PACRG: variants seen among roughly 807,000 people sequenced by gnomAD.
The protein encoded by PACRG is parkin coregulated, also known as parkin coregulated gene protein.
PACRG carries 29 observed loss-of-function variants against 29.7 expected under a neutral mutation model. That is an observed-to-expected ratio of 0.98 (90% confidence interval 0.73 to 1.33). The LOEUF (loss-of-function observed/expected upper bound fraction) is 1.33. Among genes scored for constraint, PACRG ranks in the 40% most tolerant of loss-of-function variants. PACRG has a pLI of 0.00. For synonymous variants in PACRG, 116 were observed against 118.7 expected, an observed-to-expected ratio of 0.98 and a Z score of 0.15; for missense variants, 279 against 316.2, an observed-to-expected ratio of 0.88 and a Z score of 0.89.
chr6:162,739,766 C>T (rs1047461681), intron 1 of PACRG, among the ~76,000 whole-genome samples: 6 of 150,734 alleles, frequency 4.0e-5, no homozygotes, highest in Admixed American at 1.3e-4. Context: ...CACTTGAACC[C>T]GGGAGCCAGA....
At chr6:163,099,802 G>A (rs1166690962) in intron 4 of PACRG, among the ~76,000 whole-genome samples, 2 of 152,186 alleles carry the variant, frequency 1.3e-5, no homozygotes, top group Non-Finnish European at 2.9e-5. Context: ...GAGCCTTTCC[G>A]TGCCACTGCG....
At chr6:163,232,716 T>C (rs1334854501) in intron 4 of PACRG, among the ~76,000 whole-genome samples, 3 of 151,784 alleles carry the variant, frequency 2.0e-5, no homozygotes, top group Non-Finnish European at 4.4e-5. Context: ...CAGCAGGCAA[T>C]AGGAAGAGAC....
At position 163,289,754 on chromosome 6, in the gene PACRG, G is replaced by A. The variant is rs574379089; in HGVS notation, c.614-25073G>A. On this transcript the variant is annotated intron_variant, in intron 4 of 4. Transcript: ENST00000366888. Reference sequence around the variant, plus strand: ...AATGAAGACCGGGAGTGGGGACAGGGGGAGCTGGTGCCAGGGCAGGGACAG... The same window carrying A: ...AATGAAGACCGGGAGTGGGGACAGGAGGAGCTGGTGCCAGGGCAGGGACAG... Among the ~76,000 whole-genome samples, 9 of 150,870 alleles carry A rather than the reference G, an allele frequency of 6.0e-5. No homozygotes were observed. The East Asian group carries it at 1.7e-3, about 29-fold the overall frequency.
intron 4 of PACRG, among the ~76,000 whole-genome samples, chr6:163,096,450 A>G (rs1421977625): frequency 6.6e-6 from 1 of 152,236 alleles, no homozygotes; most frequent in African/African-American, 2.4e-5. Flanking sequence ...TTTGTGGAGA[A>G]ACAAGAAATG....
chr6:162,794,976 A>G (rs1339114896), intron 1 of PACRG, among the ~76,000 whole-genome samples: 1 of 152,118 alleles, frequency 6.6e-6, no homozygotes, highest in African/African-American at 2.4e-5. Flanking sequence ...AGATCTGGAT[A>G]AGGGGGTTTG....
intron 1 of PACRG, among the ~76,000 whole-genome samples, chr6:162,748,307 G>A (rs1346693653): frequency 2.6e-5 from 4 of 152,010 alleles, no homozygotes; most frequent in East Asian, 1.9e-4. Context: ...TCTGGCCATC[G>A]TGGTGAAACC....
chr6:162,943,597 A>T (rs1798786544), intron 2 of PACRG, among the ~76,000 whole-genome samples: 1 of 152,146 alleles, frequency 6.6e-6, no homozygotes, highest in South Asian at 2.1e-4. Context: ...GTCACTGCCT[A>T]CCACAGCCAG....
At position 163,283,807 on chromosome 6, in the gene PACRG, C is replaced by CAA. The variant is rs11342579; in HGVS notation, c.614-31001_614-31000dup. Among the ~76,000 whole-genome samples, 69 of 100,280 alleles carry CAA rather than the reference C, an allele frequency of 6.9e-4. 2 individuals carry two copies. The South Asian group carries it at 0.015, about 22-fold the overall frequency. 65.8% of individuals were successfully genotyped at this position (100,280 alleles called of 152,430 possible). A position where few individuals can be genotyped will look rare whatever the true frequency, so the allele number is the denominator to read the frequency against. On this transcript the variant is annotated intron_variant, in intron 4 of 4. Transcript: ENST00000366888. ...TGGGCGACAGAGCGAGACTCCGTCT[C>CAA]AAAAAAAAAAAAAAAAAAAATTTAG...
chr6:163,053,501 A>G (rs1288913421), intron 2 of PACRG, among the ~76,000 whole-genome samples: 1 of 152,200 alleles, frequency 6.6e-6, no homozygotes, highest in Non-Finnish European at 1.5e-5. Context: ...TAAATGTACA[A>G]CTATTAGATA....
At chr6:162,958,752 GTGTA>G (rs954073219) in intron 2 of PACRG, among the ~76,000 whole-genome samples, 45 of 149,364 alleles carry the variant, frequency 3.0e-4, no homozygotes, top group South Asian at 4.3e-4. Flanking sequence ...GTGTGTGTGT[GTGTA>G]TATATATACA....
At chr6:162,789,783 T>A (rs1784792686) in intron 1 of PACRG, among the ~76,000 whole-genome samples, 1 of 152,306 alleles carries the variant, frequency 6.6e-6, no homozygotes, top group Admixed American at 6.5e-5. Flanking sequence ...GCCCTCTAAA[T>A]AACCAGGGTG....
Position 163,311,822 on chromosome 6 carries a change from A to T in PACRG, c.614-3005A>T, listed in dbSNP as rs543858911. On this transcript the variant is annotated intron_variant, in intron 4 of 4. Transcript: ENST00000366888. ...TTACTCCTATGGTCAAATTTTTTTT[A>T]AAAGTAAGAACATGAGATAAAGTTC... Among the ~76,000 whole-genome samples, 1,066 of 146,278 alleles carry T rather than the reference A, an allele frequency of 7.3e-3. 7 individuals carry two copies. The highest frequency in any genetic ancestry group is 0.014 in the Middle Eastern group (4 of 284).
At chr6:163,226,592 G>A (rs1395638633) in intron 4 of PACRG, among the ~76,000 whole-genome samples, 1 of 152,228 alleles carries the variant, frequency 6.6e-6, no homozygotes, top group Non-Finnish European at 1.5e-5. Context: ...CTCCACTTGA[G>A]GCCAAGGGGC....
intron 4 of PACRG, among the ~76,000 whole-genome samples, chr6:163,228,130 T>C (rs534931728): frequency 6.6e-6 from 1 of 152,092 alleles, no homozygotes; most frequent in East Asian, 1.9e-4. Flanking sequence ...TATATGTATA[T>C]TAGAAAACAA....
chr6:162,768,590 T>G (rs1782977084), intron 1 of PACRG, among the ~76,000 whole-genome samples: 1 of 152,148 alleles, frequency 6.6e-6, no homozygotes. Context: ...CTAGATATTT[T>G]ATATTTTAAT....
At chr6:163,214,190 CT>C (rs1781270144) in intron 4 of PACRG, among the ~76,000 whole-genome samples, 1 of 152,130 alleles carries the variant, frequency 6.6e-6, no homozygotes, top group Non-Finnish European at 1.5e-5. Context: ...GGAGATGTGG[CT>C]AGTGTGACTA....
At chr6:162,979,455 C>T (rs1422989419) in intron 2 of PACRG, among the ~76,000 whole-genome samples, 1 of 152,118 alleles carries the variant, frequency 6.6e-6, no homozygotes, top group Non-Finnish European at 1.5e-5. Context: ...TACATATTTT[C>T]TCTCATTCTG....
intron 2 of PACRG, among the ~76,000 whole-genome samples, chr6:162,928,394 G>A (rs570349457): frequency 1.3e-5 from 2 of 149,616 alleles, no homozygotes; most frequent in Non-Finnish European, 1.5e-5. Flanking sequence ...AATGTATGTG[G>A]GTCTTCTCTA....
At chr6:162,959,354 C>A (rs907236276) in intron 2 of PACRG, among the ~76,000 whole-genome samples, 1 of 151,908 alleles carries the variant, frequency 6.6e-6, no homozygotes, top group Non-Finnish European at 1.5e-5. Context: ...GCTGAGAAGG[C>A]GACATTTAAG....
Sources: allele counts gnomAD v4.1 joint callset (sites outside exome capture counted in the v4.1 genomes callset), GRCh38; gene constraint gnomAD v4.1.1; transcripts MANE v1.5; gene names NCBI Gene and HGNC (gene_info 2026-07-23, HGNC 2026-07-21).